Variants in SPRY2 observed in about 807,000 individuals in gnomAD.
The protein encoded by SPRY2 is protein sprouty homolog 2.
Under a neutral mutation model 23.4 loss-of-function variants are expected in SPRY2, and 10 were observed. That is an observed-to-expected ratio of 0.43 (90% CI 0.26 to 0.73). The LOEUF is 0.73. Among genes scored for constraint, SPRY2 ranks in the 30% least tolerant of loss-of-function variants. SPRY2 has a pLI of 0.22. For missense variants in SPRY2, 344 were observed against 396.9 expected (o/e 0.87, Z 1.13); for synonymous variants, 170 against 156.9 (o/e 1.08, Z -0.62).
Position 80,336,931 on chromosome 13 carries a change from T to C in SPRY2, c.775A>G (p.Met259Val), listed in dbSNP as rs1383507887. 1.2e-6 allele frequency: 2 copies of C among 1,614,210 alleles called. No homozygotes were observed. The highest frequency in any genetic ancestry group is 4.5e-5 in the East Asian group (2 of 44,874). Residue 259 changes from methionine (M) to valine (V), a missense_variant, in exon 2 of 2, where the codon ATG becomes GTG. By Grantham distance (21) the Met-to-Val change is conservative (BLOSUM62 1). Coordinates refer to ENST00000377104, the MANE Select transcript of SPRY2 (RefSeq NM_005842.4). ...CCTRWSAMGV[M>V]SLFLPCLWCY... ...CATAAACAAGGCAAAAAGAGGGACATGACACCCATGGCTGACCATCGTGTA... is the reference window on the plus strand; with the variant it reads ...CATAAACAAGGCAAAAAGAGGGACACGACACCCATGGCTGACCATCGTGTA...
At chr13:80,337,839 C>T (rs1880344456) in intron 1 of SPRY2, 83 bp from the exon 2 acceptor site, 1 of 794,258 alleles carries the variant, frequency 1.3e-6, no homozygotes, top group African/African-American at 1.7e-5. Flanking sequence ...CCTCACTTCC[C>T]ACTTTCCCTA....
chr13:80,337,669 G>A lies in SPRY2; in HGVS notation c.37C>T (p.Pro13Ser), dbSNP rs1184243800. The A allele has an allele frequency of 6.2e-7, 1 of 1,612,960 alleles. No individual in the cohort carries two copies. The highest frequency in any genetic ancestry group is 1.3e-5 in the African/African-American group (1 of 74,934). ...CCGTCACGGGGCGTCTGCAGCAAGG[G>A]CTGCGACCCGTTGCCACTCTGAGCT... ...ARAQSGNGSQ[P>S]LLQTPRDGGR... Residue 13 changes from proline to serine, a missense_variant, in exon 2 of 2, where the codon CCC (proline) becomes TCC (serine). Transcript: ENST00000377104.
chr13:80,339,673 T>G (rs1880434371), intron 1 of SPRY2: 1 of 151,950 alleles, frequency 6.6e-6, no homozygotes, highest in South Asian at 2.1e-4. Flanking sequence ...CCTTTGAAAG[T>G]GCTTTGAAAC....
Position 80,337,278 on chromosome 13 carries a change from C to A in SPRY2, c.428G>T (p.Gly143Val). The A allele has an allele frequency of 6.2e-7, 1 of 1,613,648 alleles. No individual in the cohort carries two copies. The highest frequency in any genetic ancestry group is 1.1e-5 in the South Asian group (1 of 91,078). The change falls in exon 2 of 2, where the codon GGG (glycine) becomes GTG (valine). Residue 143 changes from glycine to valine, a missense_variant. Gly to Val is a moderately radical substitution (Grantham distance 109, BLOSUM62 -3). Coordinates refer to ENST00000377104, the MANE Select transcript of SPRY2 (RefSeq NM_005842.4). ...CCGGATTATGCCATCAGCAACAGGC[C>A]CGGAGGAGAAGGATGATCCTAGCAG... ...QRLLGSSFSS[G>V]PVADGIIRVQ...
rs1880304346 is a variant in SPRY2 at position 80,337,265 on chromosome 13, A to G, written c.441T>C (p.Asp147=). 6.2e-7 allele frequency: 1 copy of G among 1,612,914 alleles called. No homozygotes were observed. The highest frequency in any genetic ancestry group is 1.7e-5 in the Admixed American group (1 of 59,992). The change falls in exon 2 of 2, where the codon GAT becomes GAC. Residue 147 remains aspartate, a synonymous_variant. Transcript: ENST00000377104. ...GSSFSSGPVA[D]GIIRVQPKSE... is the part of the protein sequence containing the mutation. ...ATTTGGGTTGCACCCGGATTATGCC[A>G]TCAGCAACAGGCCCGGAGGAGAAGG...
At position 80,336,350 on chromosome 13, in the gene SPRY2, A is replaced by C; in HGVS notation, c.*408T>G. ...ATAATATTTTGTGTCTGTGCCATGT[A>C]GTATGGCACAACTTGTTTTTCACAG... On this transcript the variant is annotated 3_prime_UTR_variant, in exon 2 of 2. Coordinates refer to ENST00000377104, the MANE Select transcript of SPRY2 (RefSeq NM_005842.4). 3.4e-6 allele frequency: 1 copy of C among 290,994 alleles called. No individual in the cohort carries two copies. Among genetic ancestry groups the C allele is most frequent in the Non-Finnish European group, 6.6e-6 (1 of 151,424 alleles). 18.0% of individuals were successfully genotyped at this position (290,994 alleles called of 1,614,324 possible). A position where few individuals can be genotyped will look rare whatever the true frequency, so the allele number is the denominator to read the frequency against.
Position 80,341,107 on chromosome 13 carries a change from A to G in SPRY2, c.-537T>C, listed in dbSNP as rs1463551028. On this transcript the variant is annotated 5_prime_UTR_variant, in exon 1 of 2. Transcript: ENST00000377104. ...CTCCTCCGCTAGCGCTGCGGCGCGC[A>G]GCTCTCGGCGGTGCAGACTGGGCGT... Among the ~76,000 whole-genome samples, 1 of 149,458 alleles carries G rather than the reference A, an allele frequency of 6.7e-6. No individual in the cohort carries two copies. The highest frequency in any genetic ancestry group is 1.5e-5 in the Non-Finnish European group (1 of 67,160).
At chr13:80,338,205 T>C (rs1454832716) in intron 1 of SPRY2, among the ~76,000 whole-genome samples, 1 of 152,262 alleles carries the variant, frequency 6.6e-6, no homozygotes, top group African/African-American at 2.4e-5. Flanking sequence ...GATTCTTTCT[T>C]GGTTCTTAAT....
rs1200840628 is a variant in SPRY2, at chr13:80,336,726, C to T, written c.*32G>A. The T allele has an allele frequency of 1.9e-6, 3 of 1,593,800 alleles. No homozygotes were observed. Among genetic ancestry groups the T allele is most frequent in the South Asian group, 2.2e-5 (2 of 89,208 alleles). ...TGTATTAAAAAAAGAAAGAAAAAAT[C>T]CTCATTACTGTAATATTCCTGATTA... On this transcript the variant is annotated 3_prime_UTR_variant, in exon 2 of 2. Coordinates refer to ENST00000377104, the MANE Select transcript of SPRY2 (RefSeq NM_005842.4).
In SPRY2 at chr13:80,337,072, C is replaced by T; in HGVS notation, c.634G>A (p.Val212Met). 6.2e-7 allele frequency: 1 copy of T among 1,614,226 alleles called. No individual in the cohort carries two copies. The highest frequency in any genetic ancestry group is 8.5e-7 in the Non-Finnish European group (1 of 1,180,036). The change falls in exon 2 of 2, where the codon GTG (valine) becomes ATG (methionine). Residue 212 changes from valine to methionine, a missense_variant. Physicochemically the swap from Val to Met is conservative, Grantham distance 21 (BLOSUM62 1). Coordinates refer to ENST00000377104, the MANE Select transcript of SPRY2 (RefSeq NM_005842.4). ...CATACACAAGTCCCATAGTCAATCA[C>T]GTTCTGGGCCGAGCAAAGGCACTGC... Reference protein sequence around the residue: ...DKQCLCSAQNVIDYGTCVCCV... With the variant: ...DKQCLCSAQNMIDYGTCVCCV...
In SPRY2 at chr13:80,337,240, A is replaced by T; in HGVS notation, c.466T>A (p.Ser156Thr). The T allele has an allele frequency of 6.2e-7, 1 of 1,612,024 alleles. No homozygotes were observed. Among genetic ancestry groups the T allele is most frequent in the Non-Finnish European group, 8.5e-7 (1 of 1,178,172 alleles). The part of the protein sequence containing the change: ...ADGIIRVQPK[S>T]ELKPGELKPL... ...TTAAGCTCACCTGGCTTGAGCTCAG[A>T]TTTGGGTTGCACCCGGATTATGCCA... is the stretch of plus-strand genomic sequence containing the variant. Residue 156 changes from serine to threonine, a missense_variant, in exon 2 of 2, where the codon TCT becomes ACT. Physicochemically the swap from Ser to Thr is moderately conservative, Grantham distance 58. Coordinates refer to ENST00000377104, the MANE Select transcript of SPRY2 (RefSeq NM_005842.4).
At position 80,337,647 on chromosome 13, in the gene SPRY2, T is replaced by G. The variant is rs141331436; in HGVS notation, c.59A>C (p.Asp20Ala). The change falls in exon 2 of 2, where the codon GAC becomes GCC. Residue 20 changes from aspartate (D) to alanine (A), a missense_variant. Coordinates refer to ENST00000377104, the MANE Select transcript of SPRY2 (RefSeq NM_005842.4). ...GGGCTCCCCACGCTGTCTGCCACCG[T>G]CACGGGGCGTCTGCAGCAAGGGCTG... ...GSQPLLQTPR[D>A]GGRQRGEPDP... 3.8e-3 allele frequency: 6,188 copies of G among 1,613,844 alleles called. 26 individuals are homozygous for G. Among genetic ancestry groups the G allele is most frequent in the South Asian group, 0.012 (1,126 of 91,078 alleles).
Position 80,336,344 on chromosome 13 carries a change from C to T in SPRY2, c.*414G>A. 3.7e-6 allele frequency: 1 copy of T among 273,806 alleles called. No homozygotes were observed. The highest frequency in any genetic ancestry group is 9.8e-5 in the East Asian group (1 of 10,180). The allele number at this position is 273,806 out of a possible 1,614,324, so 17.0% of individuals were successfully genotyped here. A position where few individuals can be genotyped will look rare whatever the true frequency, so the allele number is the denominator to read the frequency against. On this transcript the variant is annotated 3_prime_UTR_variant, in exon 2 of 2. Coordinates refer to ENST00000377104, the MANE Select transcript of SPRY2 (RefSeq NM_005842.4). ...ATTAGTATAATATTTTGTGTCTGTG[C>T]CATGTAGTATGGCACAACTTGTTTT...
rs543243783 is a variant in SPRY2 at position 80,336,411 on chromosome 13, A to T, written c.*347T>A. 2.8e-6 allele frequency: 1 copy of T among 354,908 alleles called. No homozygotes were observed. The highest frequency in any genetic ancestry group is 5.3e-6 in the Non-Finnish European group (1 of 189,228). 22.0% of individuals were successfully genotyped at this position (354,908 alleles called of 1,614,324 possible). A position where few individuals can be genotyped will look rare whatever the true frequency, so the allele number is the denominator to read the frequency against. ...TATTGTATATACAAAAATATAGCAC[A>T]TTCTCTCTGGAGAAAACAATGGAAA... On this transcript the variant is annotated 3_prime_UTR_variant, in exon 2 of 2. Coordinates refer to ENST00000377104, the MANE Select transcript of SPRY2 (RefSeq NM_005842.4).
Position 80,336,929 on chromosome 13 carries a change from C to A in SPRY2, c.777G>T (p.Met259Ile). The A allele has an allele frequency of 6.2e-7, 1 of 1,614,166 alleles. No homozygotes were observed. The highest frequency in any genetic ancestry group is 8.5e-7 in the Non-Finnish European group (1 of 1,180,044). The change falls in exon 2 of 2, where the codon ATG becomes ATT. Residue 259 changes from methionine to isoleucine, a missense_variant. Coordinates refer to ENST00000377104, the MANE Select transcript of SPRY2 (RefSeq NM_005842.4). ...ACCATAAACAAGGCAAAAAGAGGGA[C>A]ATGACACCCATGGCTGACCATCGTG... is the stretch of plus-strand genomic sequence containing the variant. ...CCTRWSAMGV[M>I]SLFLPCLWCY...
intron 1 of SPRY2, 47 bp from the exon 2 acceptor site, chr13:80,337,803 C>T (rs1480227458): frequency 1.2e-5 from 13 of 1,071,972 alleles, no homozygotes; most frequent in Non-Finnish European, 1.5e-5. Context: ...AAGATACTTC[C>T]CACTCTCCAC....
In SPRY2 at chr13:80,337,313, A is replaced by T; in HGVS notation, c.393T>A (p.Ser131=). Residue 131 remains serine, a synonymous_variant, in exon 2 of 2, where the codon TCT becomes TCA. Transcript: ENST00000377104. ...STRTSTSSSS[S]EQRLLGSSFS... is the part of the protein sequence containing the mutation. The stretch of plus-strand genomic sequence containing the variant: ...AGGATGATCCTAGCAGTCTCTGTTC[A>T]GAGGAGCTGCTGCTGGTACTTGTCC... 1 of 1,614,190 alleles carries T rather than the reference A, an allele frequency of 6.2e-7. No homozygotes were observed. Among genetic ancestry groups the T allele is most frequent in the South Asian group, 1.1e-5 (1 of 91,082 alleles).
Position 80,336,664 on chromosome 13 carries a change from A to C in SPRY2, c.*94T>G. The C allele has an allele frequency of 3.1e-6, 4 of 1,270,232 alleles. No homozygotes were observed. Among genetic ancestry groups the C allele is most frequent in the Non-Finnish European group, 4.5e-6 (4 of 896,616 alleles). 78.7% of individuals were successfully genotyped at this position (1,270,232 alleles called of 1,614,324 possible). On this transcript the variant is annotated 3_prime_UTR_variant, in exon 2 of 2. Coordinates refer to ENST00000377104, the MANE Select transcript of SPRY2 (RefSeq NM_005842.4). ...AAGACTATCCCACCTTTCTATTAAC[A>C]GTGCCAAGATTATAACTGTTTAGTT...
chr13:80,338,122 C>G (rs1381175683), intron 1 of SPRY2, among the ~76,000 whole-genome samples: 1 of 152,144 alleles, frequency 6.6e-6, no homozygotes, highest in Non-Finnish European at 1.5e-5. Context: ...GTTGAAAATC[C>G]TTTCAAAATT....
Sources: gnomAD v4.1 joint callset for allele counts (sites outside exome capture counted in the v4.1 genomes callset) on GRCh38, gnomAD v4.1.1 for gene constraint, MANE v1.5 for transcripts, NCBI Gene and HGNC (gene_info 2026-07-23, HGNC 2026-07-21) for gene names.